The following DMC1 variants were observed in gnomAD, a reference collection of about 807,000 sequenced individuals.
DMC1 encodes the protein DNA meiotic recombinase 1.
Under a neutral mutation model 50.1 loss-of-function variants are expected in DMC1, and 27 were observed. The observed-to-expected ratio is 0.54, with a 90% confidence interval of 0.40 to 0.74. DMC1 has a LOEUF of 0.74. Ranked by LOEUF, DMC1 falls within the 30% of genes least tolerant of loss-of-function variation. The pLI, the probability that DMC1 is intolerant of heterozygous loss-of-function variation, is 0.00. For missense variants in DMC1, 295 were observed against 420.2 expected (o/e 0.70, Z 2.60); for synonymous variants, 148 against 136.1 (o/e 1.09, Z -0.61).
chr22:38,542,786 T>A (rs2090299526), intron 8 of DMC1, among the ~76,000 whole-genome samples: 1 of 152,134 alleles, frequency 6.6e-6, no homozygotes, highest in South Asian at 2.1e-4. Flanking sequence ...AGGAACCACA[T>A]AACCTGACTT....
At chr22:38,543,928 C>A (rs967074255) in intron 8 of DMC1, among the ~76,000 whole-genome samples, 4 of 152,146 alleles carry the variant, frequency 2.6e-5, no homozygotes, top group Non-Finnish European at 4.4e-5. Context: ...CCAACCCTAG[C>A]CAATAGGGGA....
chr22:38,564,554 G>A (rs935187167), intron 4 of DMC1, among the ~76,000 whole-genome samples: 5 of 151,950 alleles, frequency 3.3e-5, no homozygotes, highest in Middle Eastern at 3.4e-3. Flanking sequence ...CTCATGATCC[G>A]CCCGCCTCAG....
intron 12 of DMC1, among the ~76,000 whole-genome samples, chr22:38,531,582 T>C (rs1417654877): frequency 6.6e-6 from 1 of 152,142 alleles, no homozygotes; most frequent in Non-Finnish European, 1.5e-5. Flanking sequence ...TAGTTTAAAA[T>C]TGTCCTTTTT....
At chr22:38,524,371 C>T (rs1406462527) in intron 12 of DMC1, among the ~76,000 whole-genome samples, 1 of 152,004 alleles carries the variant, frequency 6.6e-6, no homozygotes, top group African/African-American at 2.4e-5. Flanking sequence ...CTGATCGCGC[C>T]ACCGGTGGCC....
intron 13 of DMC1, 76 bp downstream of exon 13, chr22:38,521,532 C>T (rs1027130604): frequency 1.9e-5 from 19 of 990,342 alleles, no homozygotes; most frequent in East Asian, 2.8e-5. Context: ...GGCAAAACCC[C>T]GTCTCTACAC....
At position 38,563,426 on chromosome 22, in the gene DMC1, T is replaced by C. The variant is rs183539547; in HGVS notation, c.244-1057A>G. On this transcript the variant is annotated intron_variant, in intron 4 of 13. Transcript: ENST00000216024. ...CTTGAGTGAGCCAAGTCTGGGCTTC[T>C]GTTTTCTTTATTAGCCACACCAGGT... is the stretch of plus-strand genomic sequence containing the variant. Among the ~76,000 whole-genome samples the C allele has an allele frequency of 4.3e-3, 654 of 152,334 alleles. 2 individuals carry two copies. Among genetic ancestry groups the C allele is most frequent in the Middle Eastern group, 6.8e-3 (2 of 294 alleles).
intron 5 of DMC1, 91 bp downstream of exon 5, chr22:38,562,196 A>C (rs1260270148): frequency 1.2e-6 from 1 of 861,750 alleles, no homozygotes; most frequent in Non-Finnish European, 1.9e-6. Context: ...AGCTACTTCT[A>C]CTACTTATAG....
rs756817840 is a variant in DMC1 at position 38,566,567 on chromosome 22, A to T, written c.243+23T>A. On this transcript the variant is annotated intron_variant, in intron 4 of 13. Coordinates refer to ENST00000216024, the MANE Select transcript of DMC1 (RefSeq NM_007068.4). ...TCACAAGGCCCTGCCAAGCTAAAAC[A>T]GCAAAGAATGGATTTTGCTTACAAT... is the stretch of plus-strand genomic sequence containing the variant. 7.4e-6 allele frequency: 12 copies of T among 1,613,856 alleles called. No homozygotes were observed. The African/African-American group carries it at 1.5e-4, about 20-fold the overall frequency.
intron 4 of DMC1, among the ~76,000 whole-genome samples, chr22:38,563,911 A>G (rs889524019): frequency 1.3e-5 from 2 of 152,144 alleles, no homozygotes; most frequent in Non-Finnish European, 2.9e-5. Flanking sequence ...TGTGTTAGCC[A>G]GGATGGTCTC....
In DMC1 at chr22:38,549,572, C is replaced by T. The variant is rs9607549; in HGVS notation, c.494+353G>A. ...CCAAGAGATGGAGGTTGCAGTGAGC[C>T]GAGATTGCCCCACTGGACTCCAGCC... On this transcript the variant is annotated intron_variant, in intron 8 of 13. Transcript: ENST00000216024. 1.1e-3 allele frequency: 219 copies of T among 204,860 alleles called. 2 individuals are homozygous for T. In the Admixed American group the frequency reaches 0.013, roughly 12 times the overall value. 12.7% of individuals were successfully genotyped at this position (204,860 alleles called of 1,614,324 possible).
chr22:38,560,989 T>C (rs1197642830), intron 5 of DMC1, among the ~76,000 whole-genome samples: 3 of 152,016 alleles, frequency 2.0e-5, no homozygotes, highest in Non-Finnish European at 4.4e-5. Context: ...CACTTAAATT[T>C]AGTAATTCCT....
chr22:38,510,139 G>A, the DMC1 span, among the ~76,000 whole-genome samples: 1 of 152,012 alleles, frequency 6.6e-6, no homozygotes, highest in South Asian at 2.1e-4. Flanking sequence ...AATTGGGGAG[G>A]TGGAGGTTGT....
chr22:38,521,538 T>TGC, intron 13 of DMC1, 70 bp downstream of exon 13: 2 of 641,696 alleles, frequency 3.1e-6, no homozygotes, highest in Non-Finnish European at 5.1e-6. Flanking sequence ...ACCCCGTCTC[T>TGC]ACACACACAC....
chr22:38,563,186 A>G (rs186503614), intron 4 of DMC1, among the ~76,000 whole-genome samples: 22 of 152,304 alleles, frequency 1.4e-4, no homozygotes, highest in African/African-American at 5.3e-4. Flanking sequence ...CAGAAATTCC[A>G]GTTTTCATTA....
At chr22:38,550,089 CTT>C in intron 7 of DMC1, 92 bp from the exon 8 acceptor site, 1 of 889,980 alleles carries the variant, frequency 1.1e-6, no homozygotes, top group Non-Finnish European at 1.8e-6. Flanking sequence ...TGTTGCAACT[CTT>C]TAGTACATTT....
At chr22:38,510,871 A>G in the DMC1 span, among the ~76,000 whole-genome samples, 244 of 152,338 alleles carry the variant, frequency 1.6e-3, no homozygotes, top group African/African-American at 5.6e-3. Context: ...TTGAAATGAC[A>G]TGCTTCCTCA....
chr22:38,531,457 T>C (rs999226100), intron 12 of DMC1, among the ~76,000 whole-genome samples: 2 of 152,152 alleles, frequency 1.3e-5, no homozygotes, highest in Non-Finnish European at 2.9e-5. Context: ...CTCATACCAA[T>C]TATAGTGATA....
intron 8 of DMC1, among the ~76,000 whole-genome samples, chr22:38,544,684 G>A (rs1398901798): frequency 1.3e-5 from 2 of 150,846 alleles, no homozygotes; most frequent in East Asian, 3.9e-4. Flanking sequence ...GGAGTGCAGT[G>A]GCGCGATCTC....
At chr22:38,537,040 C>T (rs560362097) in intron 12 of DMC1, among the ~76,000 whole-genome samples, 2 of 151,540 alleles carry the variant, frequency 1.3e-5, no homozygotes, top group Admixed American at 6.6e-5. Context: ...TTAGTAGAGA[C>T]GAGGCTTCAT....
Sources: allele counts gnomAD v4.1 joint callset (sites outside exome capture counted in the v4.1 genomes callset), GRCh38; gene constraint gnomAD v4.1.1; transcripts MANE v1.5; gene names NCBI Gene and HGNC (gene_info 2026-07-23, HGNC 2026-07-21).